ITGA9: variants seen among roughly 807,000 people sequenced by gnomAD.
ITGA9 encodes the protein integrin subunit alpha 9.
In ITGA9, 56 loss-of-function variants were observed where a neutral mutation model predicts 127.8. The ratio of observed to expected loss-of-function variants is 0.44; its 90% CI spans 0.35 to 0.55. The LOEUF (loss-of-function observed/expected upper bound fraction) is 0.55, where lower values mean the gene tolerates loss of function less well. Ranked by LOEUF, ITGA9 falls within the 20% of genes least tolerant of loss-of-function variation. The pLI, the probability that ITGA9 is intolerant of heterozygous loss-of-function variation, is 0.00. For synonymous variants in ITGA9, 508 were observed against 514.5 expected (o/e 0.99, Z 0.17); for missense variants, 1,196 against 1,347.1 (o/e 0.89, Z 1.76).
At chr3:37,663,294 C>CT (rs1489426672) in intron 17 of ITGA9, among the ~76,000 whole-genome samples, 1 of 152,076 alleles carries the variant, frequency 6.6e-6, no homozygotes, top group Admixed American at 6.5e-5. Flanking sequence ...TAAAAAAATT[C>CT]TTTTTTTGAT....
chr3:37,612,087 A>G (rs1352822819), intron 15 of ITGA9, among the ~76,000 whole-genome samples: 1 of 152,190 alleles, frequency 6.6e-6, no homozygotes, highest in Non-Finnish European at 1.5e-5. Flanking sequence ...CAGAGAGTTC[A>G]CATAACCTAT....
At chr3:37,574,931 C>G (rs1177489463) in intron 15 of ITGA9, among the ~76,000 whole-genome samples, 1 of 152,170 alleles carries the variant, frequency 6.6e-6, no homozygotes, top group Non-Finnish European at 1.5e-5. Context: ...TCCAGAAGAC[C>G]CTGCCCTGGA....
chr3:37,512,134 CT>C lies in ITGA9; in HGVS notation c.898-1625del, dbSNP rs759805622. ...CTTCCTTCCTTCTTTCTTTTCTTTT[CT>C]TTTCTTTTCTTTTCTTTTCTTTTCT... On this transcript the variant is annotated intron_variant, in intron 8 of 27. Transcript: ENST00000264741. Among the ~76,000 whole-genome samples, 63 of 10,352 alleles carry C rather than the reference CT, an allele frequency of 6.1e-3. 5 individuals carry two copies. Among genetic ancestry groups the C allele is most frequent in the African/African-American group, 0.016 (46 of 2,800 alleles). 6.8% of individuals were successfully genotyped at this position (10,352 alleles called of 152,430 possible). A position where few individuals can be genotyped will look rare whatever the true frequency, so the allele number is the denominator to read the frequency against.
intron 15 of ITGA9, among the ~76,000 whole-genome samples, chr3:37,600,626 A>C (rs1699914027): frequency 6.6e-6 from 1 of 152,144 alleles, no homozygotes; most frequent in African/African-American, 2.4e-5. Flanking sequence ...CCTCCATCTC[A>C]AGAAGCCCTT....
intron 15 of ITGA9, among the ~76,000 whole-genome samples, chr3:37,568,122 T>C (rs1699565702): frequency 6.6e-6 from 1 of 152,268 alleles, no homozygotes; most frequent in Non-Finnish European, 1.5e-5. Flanking sequence ...GGCATTTCCA[T>C]GCATCCTCTG....
intron 18 of ITGA9, among the ~76,000 whole-genome samples, chr3:37,730,486 A>C (rs1296256458): frequency 2.0e-5 from 3 of 152,180 alleles, no homozygotes; most frequent in Non-Finnish European, 4.4e-5. Context: ...TTCCTTATTG[A>C]AATTGCCAAT....
intron 15 of ITGA9, among the ~76,000 whole-genome samples, chr3:37,544,183 A>G (rs1052058282): frequency 6.6e-6 from 1 of 152,176 alleles, no homozygotes; most frequent in African/African-American, 2.4e-5. Flanking sequence ...CTTTGTTCCT[A>G]GTTACCAAGG....
At chr3:37,664,483 C>A (rs143789497) in intron 17 of ITGA9, among the ~76,000 whole-genome samples, 1 of 143,374 alleles carries the variant, frequency 7.0e-6, no homozygotes, top group South Asian at 2.2e-4. Flanking sequence ...GGCAATGGCA[C>A]AATCTCAGCT....
intron 15 of ITGA9, among the ~76,000 whole-genome samples, chr3:37,556,967 T>C (rs1026281517): frequency 2.0e-5 from 3 of 152,202 alleles, no homozygotes; most frequent in African/African-American, 7.2e-5. Flanking sequence ...GTGTGGGCTA[T>C]AATTTCTTCT....
chr3:37,676,158 ATCGTAAG>A (rs1700680396), intron 17 of ITGA9, among the ~76,000 whole-genome samples: 3 of 152,242 alleles, frequency 2.0e-5, no homozygotes, highest in African/African-American at 4.8e-5. Context: ...ACCATATTAT[ATCGTAAG>A]TAAAGTAAAA....
At chr3:37,492,697 A>G (rs1274903375) in intron 4 of ITGA9, among the ~76,000 whole-genome samples, 2 of 152,208 alleles carry the variant, frequency 1.3e-5, no homozygotes, top group African/African-American at 2.4e-5. Context: ...GTCTTGCACT[A>G]TAGTTTCATT....
At chr3:37,796,001 A>T (rs1242249607) in intron 26 of ITGA9, among the ~76,000 whole-genome samples, 2 of 152,110 alleles carry the variant, frequency 1.3e-5, no homozygotes, top group Non-Finnish European at 2.9e-5. Flanking sequence ...AAGCATGGAG[A>T]TCTTACTGCA....
At chr3:37,509,549 G>A (rs890193350) in intron 8 of ITGA9, among the ~76,000 whole-genome samples, 2 of 152,006 alleles carry the variant, frequency 1.3e-5, no homozygotes, top group Admixed American at 6.6e-5. Flanking sequence ...ACTGCTGTAC[G>A]CCAGCCTAGG....
At chr3:37,683,286 C>T (rs1438649089) in intron 17 of ITGA9, among the ~76,000 whole-genome samples, 1 of 152,214 alleles carries the variant, frequency 6.6e-6, no homozygotes, top group Non-Finnish European at 1.5e-5. Context: ...CGGGTTTGTA[C>T]TGAGAAGTCA....
At chr3:37,484,991 C>G (rs942896886) in intron 4 of ITGA9, among the ~76,000 whole-genome samples, 2 of 152,166 alleles carry the variant, frequency 1.3e-5, no homozygotes, top group African/African-American at 2.4e-5. Flanking sequence ...GGAATAGAAT[C>G]CACTTAATCT....
At chr3:37,557,897 C>T (rs572807595) in intron 15 of ITGA9, among the ~76,000 whole-genome samples, 1 of 152,106 alleles carries the variant, frequency 6.6e-6, no homozygotes, top group Non-Finnish European at 1.5e-5. Context: ...GGTAAGCAGC[C>T]AAGTCTTGGG....
rs868423709 is a variant in ITGA9, at chr3:37,560,200, T to C, written c.1689+17615T>C. On this transcript the variant is annotated intron_variant, in intron 15 of 27. Transcript: ENST00000264741. ...CCCACCTATGAGTGAGAACATGTAGTGTTTGGTTTTCTGTCCTTCTGATGG... is the reference window on the plus strand; with the variant it reads ...CCCACCTATGAGTGAGAACATGTAGCGTTTGGTTTTCTGTCCTTCTGATGG... Among the ~76,000 whole-genome samples, 4 of 151,960 alleles carry C rather than the reference T, an allele frequency of 2.6e-5. No homozygotes were observed. The South Asian group carries it at 8.3e-4, about 32-fold the overall frequency.
At chr3:37,748,766 A>G (rs1575219767) in intron 22 of ITGA9, 2 of 638,180 alleles carry the variant, frequency 3.1e-6, no homozygotes, top group Non-Finnish European at 5.6e-6. Flanking sequence ...AAAAAAAAAA[A>G]AGAAGGAAGC....
chr3:37,533,517 G>C, intron 14 of ITGA9, 49 bp downstream of exon 14: 1 of 1,588,704 alleles, frequency 6.3e-7, no homozygotes, highest in Non-Finnish European at 8.6e-7. Flanking sequence ...AGCTGGAGTG[G>C]GCTAGTGGGA....
Sources: allele counts gnomAD v4.1 joint callset (sites outside exome capture counted in the v4.1 genomes callset), GRCh38; gene constraint gnomAD v4.1.1; transcripts MANE v1.5; gene names NCBI Gene and HGNC (gene_info 2026-07-23, HGNC 2026-07-21).